The following PHLDB2 variants were observed in gnomAD, a reference collection of about 807,000 sequenced individuals.
The protein encoded by PHLDB2 is pleckstrin homology-like domain family B member 2.
PHLDB2 carries 71 observed loss-of-function variants against 123.6 expected under a neutral mutation model. The observed-to-expected ratio is 0.57, with a 90% CI of 0.47 to 0.70. The LOEUF (loss-of-function observed/expected upper bound fraction) is 0.70. Ranked by LOEUF, PHLDB2 falls within the 30% of genes least tolerant of loss-of-function variation. The pLI, the probability that PHLDB2 is intolerant of heterozygous loss-of-function variation, is 0.00. For missense variants in PHLDB2, 1,446 were observed against 1,519.5 expected (o/e 0.95, Z 0.80); for synonymous variants, 547 against 541.6 (o/e 1.01, Z -0.14).
chr3:111,904,475 G>A (rs1254319385), intron 2 of PHLDB2, among the ~76,000 whole-genome samples: 1 of 152,136 alleles, frequency 6.6e-6, no homozygotes, highest in African/African-American at 2.4e-5. Context: ...CATTCGGGAT[G>A]TCCAGTCTGC....
intron 1 of PHLDB2, among the ~76,000 whole-genome samples, chr3:111,821,006 G>A (rs1223004184): frequency 5.3e-5 from 8 of 152,134 alleles, no homozygotes; most frequent in Non-Finnish European, 8.8e-5. Context: ...TTCCAGAACC[G>A]AGGTTTAGTT....
intron 1 of PHLDB2, among the ~76,000 whole-genome samples, chr3:111,807,613 C>A (rs1280916416): frequency 1.3e-5 from 2 of 152,028 alleles, no homozygotes; most frequent in Non-Finnish European, 2.9e-5. Context: ...AATTTACACG[C>A]CTGTAGTCCT....
At chr3:111,844,467 C>T (rs2063849173) in intron 1 of PHLDB2, among the ~76,000 whole-genome samples, 1 of 152,214 alleles carries the variant, frequency 6.6e-6, no homozygotes, top group African/African-American at 2.4e-5. Context: ...CTCCCCTGTA[C>T]ACACCTTCTA....
At chr3:111,907,051 CT>C (rs1390484737) in intron 2 of PHLDB2, among the ~76,000 whole-genome samples, 1 of 152,234 alleles carries the variant, frequency 6.6e-6, no homozygotes, top group African/African-American at 2.4e-5. Flanking sequence ...AAACCCCTCA[CT>C]TTTATATACA....
In PHLDB2 at chr3:111,919,052, T is replaced by G. The variant is rs1465884776; in HGVS notation, c.1720-20T>G. 1 of 1,611,820 alleles carries G rather than the reference T, an allele frequency of 6.2e-7. No individual in the cohort carries two copies. Among genetic ancestry groups the G allele is most frequent in the South Asian group, 1.1e-5 (1 of 91,024 alleles). ...AGAACTGAGGTGTGAATAATCCATT[T>G]CTGTGTTGATTAATCGCAGACCCCA... is the stretch of plus-strand genomic sequence containing the variant. On this transcript the variant is annotated intron_variant, in intron 3 of 17. Coordinates refer to ENST00000431670, the MANE Select transcript of PHLDB2 (RefSeq NM_001134438.2).
intron 1 of PHLDB2, chr3:111,845,818 C>A (rs372180305): frequency 3.1e-5 from 50 of 1,612,916 alleles, no homozygotes; most frequent in Non-Finnish European, 4.2e-5. Context: ...TTGCTGTGTG[C>A]AGGCTGGCAC....
At chr3:111,780,404 AAG>A (rs1291251434) in intron 1 of PHLDB2, among the ~76,000 whole-genome samples, 1 of 146,100 alleles carries the variant, frequency 6.8e-6, no homozygotes, top group African/African-American at 2.6e-5. Context: ...GAAGAAGAAG[AAG>A]AAGAAAAAGA....
At chr3:111,765,338 A>C (rs1227177539) in intron 1 of PHLDB2, among the ~76,000 whole-genome samples, 1 of 152,172 alleles carries the variant, frequency 6.6e-6, no homozygotes, top group African/African-American at 2.4e-5. Context: ...GAACACTAAC[A>C]AGTGACTGTG....
chr3:111,841,659 ACT>A (rs1368461873), intron 1 of PHLDB2, among the ~76,000 whole-genome samples: 1 of 152,108 alleles, frequency 6.6e-6, no homozygotes, highest in Non-Finnish European at 1.5e-5. Flanking sequence ...TCAGGAAATC[ACT>A]CTGTACAGGG....
rs1449441361 is a variant in PHLDB2 at position 111,885,316 on chromosome 3, A to G, written c.1239A>G (p.Lys413=). 6.2e-7 allele frequency: 1 copy of G among 1,614,180 alleles called. No individual in the cohort carries two copies. Among genetic ancestry groups the G allele is most frequent in the Non-Finnish European group, 8.5e-7 (1 of 1,180,036 alleles). The part of the protein sequence containing the change: ...GTPQPALRER[K]SSISSISGRD... ...CCCAGCCTGCCCTTCGGGAACGGAA[A>G]AGCAGTATTAGCTCCATTTCAGGAC... Residue 413 remains lysine, a synonymous_variant, in exon 2 of 18, where the codon AAA becomes AAG. Coordinates refer to ENST00000431670, the MANE Select transcript of PHLDB2 (RefSeq NM_001134438.2).
chr3:111,846,271 G>A, intron 2 of PHLDB2: 1 of 233,020 alleles, frequency 4.3e-6, no homozygotes, highest in South Asian at 7.5e-5. Context: ...GGGATGGGAT[G>A]TATAGAGAAA....
intron 1 of PHLDB2, among the ~76,000 whole-genome samples, chr3:111,834,640 A>G (rs1253303147): frequency 1.3e-5 from 2 of 151,950 alleles, no homozygotes; most frequent in South Asian, 4.1e-4. Flanking sequence ...TCTTTATAAG[A>G]CAAATTTTTA....
intron 1 of PHLDB2, among the ~76,000 whole-genome samples, chr3:111,775,983 C>CT (rs1413168140): frequency 6.6e-6 from 1 of 152,122 alleles, no homozygotes; most frequent in Non-Finnish European, 1.5e-5. Context: ...GTATTTAGCT[C>CT]TTTTTCAGAG....
intron 1 of PHLDB2, among the ~76,000 whole-genome samples, chr3:111,763,201 C>T (rs4431081): frequency 0.56 from 85,544 of 152,130 alleles, 26,364 homozygotes; most frequent in African/African-American, 0.83. Context: ...CATTCTTCTC[C>T]CCTGGAGAGT....
At chr3:111,743,245 A>G (rs2059632354) in intron 1 of PHLDB2, among the ~76,000 whole-genome samples, 1 of 152,220 alleles carries the variant, frequency 6.6e-6, no homozygotes, top group South Asian at 2.1e-4. Context: ...TCCCTGGAGA[A>G]AGAGGATAAG....
intron 1 of PHLDB2, among the ~76,000 whole-genome samples, chr3:111,869,152 G>C (rs1427300305): frequency 6.6e-6 from 1 of 152,090 alleles, no homozygotes; most frequent in Non-Finnish European, 1.5e-5. Flanking sequence ...ATACCATCTG[G>C]AATTTTTTTT....
At chr3:111,734,961 C>G (rs1011927721) in intron 1 of PHLDB2, among the ~76,000 whole-genome samples, 10 of 152,170 alleles carry the variant, frequency 6.6e-5, no homozygotes, top group Non-Finnish European at 1.5e-5. Context: ...AGAGCAAAAG[C>G]AAGTGTTTTT....
chr3:111,734,078 G>A (rs1378411572), intron 1 of PHLDB2, among the ~76,000 whole-genome samples: 1 of 152,170 alleles, frequency 6.6e-6, no homozygotes, highest in East Asian at 1.9e-4. Flanking sequence ...GGCCATTGTA[G>A]ACATAAACCC....
chr3:111,868,426 T>G (rs952111326), intron 1 of PHLDB2, among the ~76,000 whole-genome samples: 7 of 152,140 alleles, frequency 4.6e-5, no homozygotes, highest in African/African-American at 1.4e-4. Flanking sequence ...TCGAGAATAC[T>G]TCTCTCTTCC....
Sources: gnomAD v4.1 joint callset for allele counts (sites outside exome capture counted in the v4.1 genomes callset) on GRCh38, gnomAD v4.1.1 for gene constraint, MANE v1.5 for transcripts, NCBI Gene and HGNC (gene_info 2026-07-23, HGNC 2026-07-21) for gene names.